Variants in CRADD observed in about 807,000 individuals in gnomAD.
CRADD encodes the protein death domain-containing protein CRADD.
In CRADD, 9 loss-of-function variants were observed where a neutral mutation model predicts 15.5. The observed-to-expected ratio is 0.58, with a 90% CI of 0.35 to 1.01. The LOEUF is 1.01. Ranked by LOEUF, CRADD falls within the 50% of genes least tolerant of loss-of-function variation. The pLI, the probability that CRADD is intolerant of heterozygous loss-of-function variation, is 0.02. For missense variants in CRADD, 227 were observed against 250.3 expected (o/e 0.91, Z 0.63); for synonymous variants, 118 against 107.6 (o/e 1.10, Z -0.60).
intron 2 of CRADD, among the ~76,000 whole-genome samples, chr12:93,876,999 T>A (rs1026674925): frequency 2.0e-5 from 3 of 152,080 alleles, no homozygotes; most frequent in Admixed American, 6.6e-5. Context: ...ACCTGGGTGT[T>A]GTGATCTAAG....
At chr12:93,688,035 CAG>C (rs1272161976) in intron 2 of CRADD, among the ~76,000 whole-genome samples, 3 of 152,172 alleles carry the variant, frequency 2.0e-5, no homozygotes, top group Non-Finnish European at 4.4e-5. Flanking sequence ...CAAATGGAGA[CAG>C]AGTCTCCTGC....
chr12:93,764,463 T>G (rs1426521533), intron 2 of CRADD, among the ~76,000 whole-genome samples: 2 of 152,178 alleles, frequency 1.3e-5, no homozygotes, highest in African/African-American at 4.8e-5. Flanking sequence ...TGGCGCTTTT[T>G]GGTTGACAAA....
intron 2 of CRADD, among the ~76,000 whole-genome samples, chr12:93,689,595 C>G (rs968928746): frequency 3.9e-5 from 6 of 152,184 alleles, no homozygotes; most frequent in Non-Finnish European, 8.8e-5. Flanking sequence ...TTAACTCCTT[C>G]TAAGAAGTGC....
intron 2 of CRADD, among the ~76,000 whole-genome samples, chr12:93,683,219 A>C (rs1565869233): frequency 4.6e-5 from 7 of 152,088 alleles, no homozygotes; most frequent in Non-Finnish European, 1.0e-4. Context: ...CTCAGCGTAA[A>C]TCACGGTGGG....
intron 2 of CRADD, chr12:93,708,775 T>TC (rs1400819157): frequency 6.6e-6 from 1 of 152,246 alleles, no homozygotes; most frequent in Non-Finnish European, 1.5e-5. Flanking sequence ...GAATGCAGAA[T>TC]CTTGAAACAG....
At chr12:93,855,501 A>G (rs1280791094), downstream of CRADD, among the ~76,000 whole-genome samples, 1 of 152,214 alleles carries the variant, frequency 6.6e-6, no homozygotes, top group Admixed American at 6.5e-5. Context: ...TCTAATTACA[A>G]CACAATGCAA....
At chr12:93,825,872 C>T (rs1351556255) in intron 2 of CRADD, among the ~76,000 whole-genome samples, 1 of 152,222 alleles carries the variant, frequency 6.6e-6, no homozygotes, top group African/African-American at 2.4e-5. Context: ...CCTTCCATCT[C>T]CCTGATGGTT....
intron 2 of CRADD, among the ~76,000 whole-genome samples, chr12:93,707,154 CT>C (rs1955968622): frequency 6.6e-6 from 1 of 152,202 alleles, no homozygotes; most frequent in Admixed American, 6.5e-5. Flanking sequence ...TTGGTTAAAC[CT>C]CAGACTGTGT....
At chr12:93,743,008 A>C (rs1956700290) in intron 2 of CRADD, among the ~76,000 whole-genome samples, 1 of 152,198 alleles carries the variant, frequency 6.6e-6, no homozygotes, top group African/African-American at 2.4e-5. Flanking sequence ...CCTTTAAAAT[A>C]GTTTCGTTTT....
chr12:93,726,094 GT>G (rs1165429350), intron 2 of CRADD, among the ~76,000 whole-genome samples: 13,858 of 95,626 alleles, frequency 0.14, 495 homozygotes, highest in Non-Finnish European at 0.21. Flanking sequence ...AAATAGTTTA[GT>G]TTTTTTTTTT....
intron 2 of CRADD, among the ~76,000 whole-genome samples, chr12:93,722,858 C>T (rs1243811670): frequency 6.6e-6 from 1 of 152,048 alleles, no homozygotes; most frequent in African/African-American, 2.4e-5. Flanking sequence ...GTTGTTTTGC[C>T]TTTTAGTATG....
At position 93,871,320 on chromosome 12, in the gene CRADD, T is replaced by A. The variant is rs548972483; in HGVS notation, c.299-22730T>A. On this transcript the variant is annotated intron_variant, in intron 2 of 2. Coordinates refer to the CRADD transcript ENST00000548483. ...CTCACATTAAATGGAAACATTTTTT[T>A]AAAAATTTTGTGGGTACATAGTAGG... 2.5e-3 allele frequency among the ~76,000 whole-genome samples: 387 copies of A among 152,286 alleles called. 2 individuals are homozygous for A. Among genetic ancestry groups the A allele is most frequent in the South Asian group, 8.7e-3 (42 of 4,826 alleles).
downstream of CRADD, among the ~76,000 whole-genome samples, chr12:93,854,412 T>C (rs1593046893): frequency 6.6e-6 from 1 of 152,210 alleles, no homozygotes; most frequent in African/African-American, 2.4e-5. Context: ...CAAGCCGCCA[T>C]GTGGAAACAC....
At chr12:93,770,367 G>A (rs995701676) in intron 2 of CRADD, among the ~76,000 whole-genome samples, 1 of 152,030 alleles carries the variant, frequency 6.6e-6, no homozygotes, top group Middle Eastern at 3.2e-3. Context: ...AAAGTGCTGG[G>A]ATTACAAGCG....
In CRADD at chr12:93,794,621, C is replaced by A. The variant is rs951250378; in HGVS notation, c.299-55349C>A. On this transcript the variant is annotated intron_variant, in intron 2 of 2. Coordinates refer to ENST00000332896, the MANE Select transcript of CRADD (RefSeq NM_003805.5). ...CCTCTGACATCTCTCACTGGACTTC[C>A]ATATCACCTCCTAATCCATCTCTGC... is the stretch of plus-strand genomic sequence containing the variant. 2.6e-4 allele frequency among the ~76,000 whole-genome samples: 39 copies of A among 152,170 alleles called. 1 individual carries two copies.
chr12:93,838,214 G>GTTTTTTTTTTTTTTTTTTTTTTT (rs66564800), intron 2 of CRADD, among the ~76,000 whole-genome samples: 1 of 130,604 alleles, frequency 7.7e-6, no homozygotes. Context: ...TCCTTTTGAG[G>GTTTTTTTTTTTTTTTTTTTTTTT]TTTTTTTTTT....
intron 2 of CRADD, among the ~76,000 whole-genome samples, chr12:93,714,079 G>A (rs1044360857): frequency 3.3e-5 from 5 of 152,114 alleles, no homozygotes; most frequent in Non-Finnish European, 7.4e-5. Flanking sequence ...AAGGTCGAAC[G>A]AAGACATAGA....
At chr12:93,813,815 C>T (rs773829375) in intron 2 of CRADD, among the ~76,000 whole-genome samples, 16 of 151,762 alleles carry the variant, frequency 1.1e-4, no homozygotes, top group African/African-American at 2.4e-4. Context: ...GCCGAGGAAA[C>T]GGAAAGAGTC....
In CRADD at chr12:93,850,151, G is replaced by A; in HGVS notation, c.480G>A (p.Val160=). 6.2e-7 allele frequency: 1 copy of A among 1,613,812 alleles called. No individual in the cohort carries two copies. The highest frequency in any genetic ancestry group is 8.5e-7 in the Non-Finnish European group (1 of 1,179,760). Residue 160 remains valine, a synonymous_variant, in exon 3 of 3, where the codon GTG becomes GTA. Transcript: ENST00000332896. This position sits in a 1 kb window ranked among gnomAD's most constrained non-coding sequence, Gnocchi z 4.0. Reference sequence around the variant, plus strand: ...ACCCCCACAACGTGCAGTCGCAGGTGGTGGAGGCCTTCATCCGTTGGCGGC... The same window carrying A: ...ACCCCCACAACGTGCAGTCGCAGGTAGTGGAGGCCTTCATCCGTTGGCGGC... The part of the protein sequence containing the change: ...ANHPHNVQSQ[V]VEAFIRWRQR...
Sources: allele counts gnomAD v4.1 joint callset (sites outside exome capture counted in the v4.1 genomes callset), GRCh38; gene constraint gnomAD v4.1.1; non-coding constraint Gnocchi (gnomAD v3.1); transcripts MANE v1.5; gene names NCBI Gene and HGNC (gene_info 2026-07-23, HGNC 2026-07-21).